GNS: variants seen among roughly 807,000 people sequenced by gnomAD.
GNS encodes the protein N-acetylglucosamine-6-sulfatase.
GNS carries 40 observed loss-of-function variants against 69.7 expected under a neutral mutation model. That is an observed-to-expected ratio of 0.57 (90% CI 0.45 to 0.75). The LOEUF (loss-of-function observed/expected upper bound fraction) is 0.75, where lower values mean the gene tolerates loss of function less well. Ranked by LOEUF, GNS falls within the 30% of genes least tolerant of loss-of-function variation. The probability of loss-of-function intolerance (pLI) is 0.00; values close to 1 mark genes in which losing one functional copy is unlikely to be tolerated. For synonymous variants in GNS, 243 were observed against 251.6 expected, an observed-to-expected ratio of 0.97 and a Z score of 0.32; for missense variants, 565 against 685.5, an observed-to-expected ratio of 0.82 and a Z score of 1.96.
At chr12:64,718,966 G>C (rs986710355) in intron 13 of GNS, among the ~76,000 whole-genome samples, 17 of 152,138 alleles carry the variant, frequency 1.1e-4, no homozygotes, top group Non-Finnish European at 8.8e-5. Context: ...AAGACCAAAG[G>C]AAAGACCAAT....
In GNS at chr12:64,721,670, A is replaced by C; in HGVS notation, c.1344T>G (p.Tyr448Ter). The C allele has an allele frequency of 6.3e-7, 1 of 1,588,834 alleles. No homozygotes were observed. The highest frequency in any genetic ancestry group is 8.6e-7 in the Non-Finnish European group (1 of 1,156,862). ...CFPDCVCEDA[Y>*]NNTYACVRTM... ...TCCTCACACAGGCATAGGTATTGTT[A>C]TAAGCATCTTCACATACACAGTCTG... Residue 448 changes from tyrosine (Y) to a stop codon, truncating the protein, a stop_gained, in exon 12 of 14, where the codon TAT becomes TAG. Transcript: ENST00000258145. LOFTEE classifies it high-confidence loss of function.
At chr12:64,717,278 A>G (rs1868891545) in intron 13 of GNS, among the ~76,000 whole-genome samples, 1 of 152,212 alleles carries the variant, frequency 6.6e-6, no homozygotes, top group Non-Finnish European at 1.5e-5. Context: ...TCTTGACTTA[A>G]TAAGGAAAGA....
At position 64,739,564 on chromosome 12, in the gene GNS, C is replaced by CA. The variant is rs368881275; in HGVS notation, c.876-66dup. 0.18 allele frequency: 50,896 copies of CA among 288,808 alleles called. 444 individuals are homozygous for CA. The highest frequency in any genetic ancestry group is 0.24 in the South Asian group (5,938 of 24,884). 17.9% of individuals were successfully genotyped at this position (288,808 alleles called of 1,614,324 possible). On this transcript the variant is annotated intron_variant, in intron 7 of 13. Coordinates refer to ENST00000258145, the MANE Select transcript of GNS (RefSeq NM_002076.4). ...AATGGCTGAGGTATCACTATCTTGC[C>CA]AAAAAAAAAAAAAACCAAAAACAAA...
At chr12:64,752,428 T>G (rs1303864132) in intron 2 of GNS, among the ~76,000 whole-genome samples, 1 of 152,214 alleles carries the variant, frequency 6.6e-6, no homozygotes, top group African/African-American at 2.4e-5. Flanking sequence ...TATTCCTTGA[T>G]TTTTTATAAT....
intron 5 of GNS, 121 bp downstream of exon 5, chr12:64,744,688 G>A: frequency 1.4e-6 from 1 of 709,722 alleles, no homozygotes; most frequent in Admixed American, 2.0e-5. Context: ...GTTAGACCAA[G>A]TTACTGTGCA....
At position 64,759,129 on chromosome 12, in the gene GNS, C is replaced by A; in HGVS notation, c.148G>T (p.Val50Leu). The A allele has an allele frequency of 6.4e-7, 1 of 1,562,126 alleles. No individual in the cohort carries two copies. The highest frequency in any genetic ancestry group is 8.7e-7 in the Non-Finnish European group (1 of 1,153,402). ...VAAGTRRPNV[V>L]LLLTDDQDEV... is the part of the protein sequence containing the mutation. ...TCCTGGTCGTCCGTGAGGAGCAGCA[C>A]CACGTTGGGCCTCCGGGTTCCCGCA... The change falls in exon 1 of 14, where the codon GTG becomes TTG. Residue 50 changes from valine to leucine, a missense_variant. Transcript: ENST00000258145.
chr12:64,737,578 C>CA (rs1304090245), intron 8 of GNS, among the ~76,000 whole-genome samples: 1 of 152,154 alleles, frequency 6.6e-6, no homozygotes, highest in Non-Finnish European at 1.5e-5. Flanking sequence ...GACAGGATTA[C>CA]AAAATCAATA....
In GNS at chr12:64,716,472, G is replaced by A. The variant is rs2279597; in HGVS notation, c.*269C>T. ...AAGAACTGTGGCCCCAGGATAAAAA[G>A]AATACAGTGAGAACAAAGACCTCAG... On this transcript the variant is annotated 3_prime_UTR_variant, in exon 14 of 14. Coordinates refer to ENST00000258145, the MANE Select transcript of GNS (RefSeq NM_002076.4). The A allele has an allele frequency of 0.26, 129,494 of 497,690 alleles. 18,825 individuals carry two copies. Among genetic ancestry groups the A allele is most frequent in the South Asian group, 0.32 (15,036 of 46,910 alleles). 30.8% of individuals were successfully genotyped at this position (497,690 alleles called of 1,614,324 possible). A position where few individuals can be genotyped will look rare whatever the true frequency, so the allele number is the denominator to read the frequency against.
intron 10 of GNS, among the ~76,000 whole-genome samples, chr12:64,727,500 A>AT (rs1250369082): frequency 6.6e-6 from 1 of 152,148 alleles, no homozygotes; most frequent in Non-Finnish European, 1.5e-5. Flanking sequence ...AACAGCCCAA[A>AT]TATCTGATGA....
In GNS at chr12:64,753,722, A is replaced by C. The variant is rs936966838; in HGVS notation, c.193-965T>G. 3.3e-5 allele frequency among the ~76,000 whole-genome samples: 5 copies of C among 152,206 alleles called. No individual in the cohort carries two copies. The East Asian group carries it at 7.7e-4, about 23-fold the overall frequency. ...TGACTTTTCCCCATTGTTTTATATA[A>C]ATACAAAACCTACGGAATCCATAAA... On this transcript the variant is annotated intron_variant, in intron 1 of 13. Coordinates refer to ENST00000258145, the MANE Select transcript of GNS (RefSeq NM_002076.4).
chr12:64,733,442 C>A (rs750244693), intron 9 of GNS, among the ~76,000 whole-genome samples: 1 of 151,486 alleles, frequency 6.6e-6, no homozygotes, highest in Non-Finnish European at 1.5e-5. Flanking sequence ...GCTCTCAGAA[C>A]ACATCAGGTT....
At chr12:64,733,566 G>A (rs1456567940) in intron 9 of GNS, among the ~76,000 whole-genome samples, 5 of 152,180 alleles carry the variant, frequency 3.3e-5, no homozygotes, top group Non-Finnish European at 4.4e-5. Context: ...AACTACATGA[G>A]AAAGTGCAGA....
intron 1 of GNS, 77 bp from the exon 2 acceptor site, chr12:64,752,834 T>A (rs527440263): frequency 1.4e-5 from 11 of 777,370 alleles, no homozygotes; most frequent in Middle Eastern, 2.2e-4. Flanking sequence ...TCCTGTTTTG[T>A]TACATCTTAC....
At chr12:64,739,545 T>TG in intron 7 of GNS, 46 bp from the exon 8 acceptor site, 1 of 829,234 alleles carries the variant, frequency 1.2e-6, no homozygotes, top group South Asian at 1.3e-5. Flanking sequence ...GGGCAATGGC[T>TG]GAGGTATCAC....
rs371247189 is a variant in GNS, at chr12:64,718,064, C to T, written c.1581-1245G>A. 4.6e-5 allele frequency among the ~76,000 whole-genome samples: 7 copies of T among 152,258 alleles called. No individual in the cohort carries two copies. In the South Asian group the frequency reaches 6.2e-4, roughly 14 times the overall value. On this transcript the variant is annotated intron_variant, in intron 13 of 13. Coordinates refer to ENST00000258145, the MANE Select transcript of GNS (RefSeq NM_002076.4). ...ACACAAGCAGCCAAAACCAGGTAAA[C>T]GAATGTGTGAGGCTGTGTTCCCGCA...
At chr12:64,728,928 C>T (rs1869296015) in intron 10 of GNS, 28 bp downstream of exon 10, 1 of 1,001,058 alleles carries the variant, frequency 1.0e-6, no homozygotes. Flanking sequence ...GGTCTTGGCT[C>T]AGGCCTGATT....
intron 10 of GNS, among the ~76,000 whole-genome samples, chr12:64,726,289 G>C (rs979632100): frequency 2.0e-5 from 3 of 151,740 alleles, no homozygotes; most frequent in African/African-American, 7.3e-5. Context: ...CACAGGGATG[G>C]ACAGATTCGT....
At chr12:64,735,059 G>C (rs984244835) in intron 9 of GNS, among the ~76,000 whole-genome samples, 3 of 152,156 alleles carry the variant, frequency 2.0e-5, no homozygotes, top group Non-Finnish European at 4.4e-5. Flanking sequence ...GCAGTGAGCT[G>C]AGATCGCACC....
In GNS at chr12:64,715,947, G is replaced by C. The variant is rs1330235939; in HGVS notation, c.*794C>G. ...ACTTCATTTTTCAGATCTCAGAGGGGAGTCTCAAGAGAAGGGACCTTGCCT... is the reference window on the plus strand; with the variant it reads ...ACTTCATTTTTCAGATCTCAGAGGGCAGTCTCAAGAGAAGGGACCTTGCCT... On this transcript the variant is annotated 3_prime_UTR_variant, in exon 14 of 14. Transcript: ENST00000258145. 6.6e-6 allele frequency: 1 copy of C among 152,422 alleles called. No homozygotes were observed. The highest frequency in any genetic ancestry group is 1.5e-5 in the Non-Finnish European group (1 of 68,202). 9.4% of individuals were successfully genotyped at this position (152,422 alleles called of 1,614,324 possible). A position where few individuals can be genotyped will look rare whatever the true frequency, so the allele number is the denominator to read the frequency against.
Sources: gnomAD v4.1 joint callset for allele counts (sites outside exome capture counted in the v4.1 genomes callset) on GRCh38, gnomAD v4.1.1 for gene constraint, MANE v1.5 for transcripts, NCBI Gene and HGNC (gene_info 2026-07-23, HGNC 2026-07-21) for gene names.